The following CCDC60 variants were observed in gnomAD, a reference collection of about 807,000 sequenced individuals.
The protein encoded by CCDC60 is coiled-coil domain-containing protein 60.
In CCDC60, 54 loss-of-function variants were observed where a neutral mutation model predicts 63.5. The observed-to-expected ratio is 0.85, with a 90% CI of 0.68 to 1.07. CCDC60 has a LOEUF of 1.07. Among genes scored for constraint, CCDC60 ranks in the 50% least tolerant of loss-of-function variants. The pLI, the probability that CCDC60 is intolerant of heterozygous loss-of-function variation, is 0.00. For synonymous variants in CCDC60, 206 were observed against 238.8 expected, an observed-to-expected ratio of 0.86 and a Z score of 1.27; for missense variants, 651 against 684.3, an observed-to-expected ratio of 0.95 and a Z score of 0.54.
At chr12:119,393,285 G>A (rs1276153174) in intron 1 of CCDC60, among the ~76,000 whole-genome samples, 3 of 152,204 alleles carry the variant, frequency 2.0e-5, no homozygotes, top group Non-Finnish European at 4.4e-5. Flanking sequence ...CCATTTCAAA[G>A]ATTTCATCGT....
intron 2 of CCDC60, among the ~76,000 whole-genome samples, chr12:119,454,095 T>G (rs569601814): frequency 1.0e-3 from 157 of 152,162 alleles, no homozygotes; most frequent in Non-Finnish European, 1.9e-3. Context: ...GTAAGATGAC[T>G]CACAGACATT....
intron 1 of CCDC60, among the ~76,000 whole-genome samples, chr12:119,424,401 C>T (rs1956865589): frequency 6.6e-6 from 1 of 152,190 alleles, no homozygotes; most frequent in African/African-American, 2.4e-5. Flanking sequence ...TCTGGATAGA[C>T]CATGATTTAT....
chr12:119,391,979 A>G (rs1956167832), intron 1 of CCDC60, among the ~76,000 whole-genome samples: 1 of 152,172 alleles, frequency 6.6e-6, no homozygotes, highest in South Asian at 2.1e-4. Context: ...TGCAGAGGTC[A>G]GGAGCCAAAA....
At chr12:119,392,837 T>A (rs1478950681) in intron 1 of CCDC60, among the ~76,000 whole-genome samples, 1 of 152,100 alleles carries the variant, frequency 6.6e-6, no homozygotes, top group African/African-American at 2.4e-5. Flanking sequence ...CTGGGTCTCG[T>A]GTTTGTGAGG....
chr12:119,491,072 A>G (rs1366920597), intron 5 of CCDC60, among the ~76,000 whole-genome samples: 1 of 152,164 alleles, frequency 6.6e-6, no homozygotes, highest in African/African-American at 2.4e-5. Flanking sequence ...AAACAGTCAC[A>G]TTTTTTAACA....
chr12:119,368,887 G>T (rs1955870191), intron 1 of CCDC60, among the ~76,000 whole-genome samples: 1 of 152,260 alleles, frequency 6.6e-6, no homozygotes, highest in East Asian at 1.9e-4. Flanking sequence ...TTTCTATGCT[G>T]GTGATAACCT....
intron 1 of CCDC60, among the ~76,000 whole-genome samples, chr12:119,400,244 T>A (rs1055442465): frequency 3.3e-5 from 5 of 151,808 alleles, no homozygotes; most frequent in Non-Finnish European, 7.4e-5. Flanking sequence ...AAAGACGGGG[T>A]TTCACCGTAT....
intron 1 of CCDC60, among the ~76,000 whole-genome samples, chr12:119,409,781 T>C (rs1033696979): frequency 1.3e-5 from 2 of 151,862 alleles, no homozygotes; most frequent in African/African-American, 4.8e-5. Flanking sequence ...ATAATCTTAG[T>C]ATCCTCTTCT....
chr12:119,407,467 G>C (rs1956515340), intron 1 of CCDC60, among the ~76,000 whole-genome samples: 1 of 152,218 alleles, frequency 6.6e-6, no homozygotes, highest in Admixed American at 6.5e-5. Flanking sequence ...GAGAGTTCGA[G>C]ACTGCAGCGA....
chr12:119,491,391 C>T (rs867269996), intron 5 of CCDC60, among the ~76,000 whole-genome samples: 2 of 152,146 alleles, frequency 1.3e-5, no homozygotes, highest in Non-Finnish European at 2.9e-5. Flanking sequence ...TACAATGGCG[C>T]GATCTCGGCT....
chr12:119,536,920 TG>T (rs1953020881), intron 13 of CCDC60, among the ~76,000 whole-genome samples: 1 of 152,184 alleles, frequency 6.6e-6, no homozygotes, highest in Admixed American at 6.5e-5. Flanking sequence ...AGTATCTTTG[TG>T]GTGTTCTCTG....
At chr12:119,400,990 A>G (rs1956382240) in intron 1 of CCDC60, among the ~76,000 whole-genome samples, 1 of 152,204 alleles carries the variant, frequency 6.6e-6, no homozygotes, top group African/African-American at 2.4e-5. Flanking sequence ...GACATGACAG[A>G]CCTTCAAAGT....
chr12:119,377,254 CAAAAAAAAAAAA>C (rs60100165), intron 1 of CCDC60, among the ~76,000 whole-genome samples: 6 of 47,444 alleles, frequency 1.3e-4, no homozygotes, highest in South Asian at 1.4e-3. Flanking sequence ...CACTCCATCT[CAAAAAAAAAAAA>C]AAAAAAAAAA....
intron 1 of CCDC60, among the ~76,000 whole-genome samples, chr12:119,363,423 CTGTG>C (rs5801335): frequency 7.7e-4 from 116 of 150,466 alleles, no homozygotes; most frequent in African/African-American, 2.5e-3. Context: ...TATGAGTCCT[CTGTG>C]TGTGTGTGTG....
chr12:119,337,824 TTG>T (rs60009617), intron 1 of CCDC60, among the ~76,000 whole-genome samples: 14,047 of 140,422 alleles, frequency 0.1, 690 homozygotes, highest in African/African-American at 0.14. Context: ...GTGTGTGTAT[TTG>T]TGTGTGTGTG....
intron 7 of CCDC60, among the ~76,000 whole-genome samples, chr12:119,507,286 C>T (rs1392236549): frequency 6.6e-6 from 1 of 151,674 alleles, no homozygotes; most frequent in African/African-American, 2.4e-5. Context: ...GGAAAAATCC[C>T]CACCGCCCCT....
intron 5 of CCDC60, among the ~76,000 whole-genome samples, chr12:119,493,921 C>G (rs1352386494): frequency 1.3e-5 from 2 of 152,012 alleles, no homozygotes; most frequent in East Asian, 3.8e-4. Flanking sequence ...CCCAGAGGGG[C>G]CTGTCATCAA....
At chr12:119,474,847 A>T (rs945996360) in intron 3 of CCDC60, among the ~76,000 whole-genome samples, 1 of 152,086 alleles carries the variant, frequency 6.6e-6, no homozygotes. Context: ...TCTCTCTTTA[A>T]GGAAAAAAAA....
At chr12:119,365,598 T>G (rs771957403) in intron 1 of CCDC60, among the ~76,000 whole-genome samples, 2 of 152,224 alleles carry the variant, frequency 1.3e-5, no homozygotes, top group Non-Finnish European at 2.9e-5. Flanking sequence ...AGGTGTTTAC[T>G]GACTAAAGGG....
Sources: gnomAD v4.1 joint callset for allele counts (sites outside exome capture counted in the v4.1 genomes callset) on GRCh38, gnomAD v4.1.1 for gene constraint, MANE v1.5 for transcripts, NCBI Gene and HGNC (gene_info 2026-07-23, HGNC 2026-07-21) for gene names.